Variants in CHODL observed in about 807,000 individuals in gnomAD.
CHODL encodes the protein transmembrane protein MT75.
A neutral mutation model predicts 34.5 loss-of-function variants in CHODL; 29 were observed. That is an observed-to-expected ratio of 0.84 (90% CI 0.63 to 1.15). The LOEUF (loss-of-function observed/expected upper bound fraction) is 1.15, where lower values mean the gene tolerates loss of function less well. CHODL is among the 50% of genes most tolerant of loss of function. The pLI, the probability that CHODL is intolerant of heterozygous loss-of-function variation, is 0.00. For synonymous variants in CHODL, 125 were observed against 116.1 expected (o/e 1.08, Z -0.49); for missense variants, 332 against 332.5 (o/e 1.00, Z 0.01).
intron 2 of CHODL, among the ~76,000 whole-genome samples, chr21:18,234,227 T>C (rs1222953448): frequency 1.3e-5 from 2 of 152,078 alleles, no homozygotes; most frequent in African/African-American, 2.4e-5. Flanking sequence ...TGAGCGGAAG[T>C]GATGTTTGCC....
intron 1 of CHODL, among the ~76,000 whole-genome samples, chr21:17,936,928 G>C (rs60503746): frequency 3.9e-5 from 6 of 152,056 alleles, no homozygotes; most frequent in Non-Finnish European, 8.8e-5. Context: ...ACAAAAATTA[G>C]CTGGGCGTGG....
intron 1 of CHODL, among the ~76,000 whole-genome samples, chr21:18,027,033 T>C (rs910056654): frequency 6.6e-6 from 1 of 152,078 alleles, no homozygotes; most frequent in Non-Finnish European, 1.5e-5. Context: ...TCCTAGTGCT[T>C]TGGGAGGCAG....
At chr21:18,136,755 TATACACATAC>T (rs1439759388) in intron 2 of CHODL, among the ~76,000 whole-genome samples, 7 of 136,470 alleles carry the variant, frequency 5.1e-5, no homozygotes, top group African/African-American at 1.9e-4. Context: ...TATATATATG[TATACACATAC>T]ATACACACAC....
At chr21:17,995,612 G>A (rs1568835847) in intron 1 of CHODL, among the ~76,000 whole-genome samples, 1 of 152,120 alleles carries the variant, frequency 6.6e-6, no homozygotes, top group African/African-American at 2.4e-5. Context: ...TCTTGAAGCT[G>A]GTCTCCATAT....
chr21:18,076,023 C>T (rs2064861667), intron 2 of CHODL, among the ~76,000 whole-genome samples: 1 of 152,138 alleles, frequency 6.6e-6, no homozygotes, highest in Non-Finnish European at 1.5e-5. Context: ...TTCTCAGCTT[C>T]CAGAACTGAG....
At chr21:18,223,681 A>C (rs1601167827) in intron 2 of CHODL, among the ~76,000 whole-genome samples, 1 of 152,124 alleles carries the variant, frequency 6.6e-6, no homozygotes, top group Admixed American at 6.5e-5. Flanking sequence ...GTGACCTCAA[A>C]CCCACCAGCA....
chr21:18,233,588 G>C (rs748845726), intron 2 of CHODL, among the ~76,000 whole-genome samples: 1 of 152,018 alleles, frequency 6.6e-6, no homozygotes, highest in Non-Finnish European at 1.5e-5. Context: ...CAGAGTTTTC[G>C]ATAACATTAT....
chr21:18,057,388 A>G (rs2064596276), intron 2 of CHODL, among the ~76,000 whole-genome samples: 1 of 152,018 alleles, frequency 6.6e-6, no homozygotes, highest in African/African-American at 2.4e-5. Context: ...TTGAGCAAAA[A>G]TGTACATACA....
intron 2 of CHODL, among the ~76,000 whole-genome samples, chr21:18,064,076 C>CA (rs2064701964): frequency 6.6e-6 from 1 of 152,164 alleles, no homozygotes; most frequent in Admixed American, 6.6e-5. Flanking sequence ...TTCGCCTCCT[C>CA]ACTTGGGTCA....
intron 1 of CHODL, among the ~76,000 whole-genome samples, chr21:17,928,648 A>T (rs1437318654): frequency 2.0e-5 from 3 of 152,226 alleles, no homozygotes. Flanking sequence ...TGAATTCTAT[A>T]ACATTATTGA....
At chr21:18,048,152 A>G (rs1360045881) in intron 2 of CHODL, among the ~76,000 whole-genome samples, 5 of 151,946 alleles carry the variant, frequency 3.3e-5, no homozygotes, top group Non-Finnish European at 7.4e-5. Flanking sequence ...GAAAGAGGCC[A>G]AACTAAAAAT....
At chr21:17,930,582 T>C (rs907326628) in intron 1 of CHODL, among the ~76,000 whole-genome samples, 5 of 152,200 alleles carry the variant, frequency 3.3e-5, no homozygotes, top group African/African-American at 1.2e-4. Flanking sequence ...AGCCAATACC[T>C]GAACTGTGGG....
intron 2 of CHODL, among the ~76,000 whole-genome samples, chr21:18,110,737 G>A (rs2065338102): frequency 6.6e-6 from 1 of 152,170 alleles, no homozygotes; most frequent in African/African-American, 2.4e-5. Context: ...TTCCCACTTT[G>A]TAAGTATAAA....
At chr21:18,014,242 G>A (rs986298044) in intron 1 of CHODL, among the ~76,000 whole-genome samples, 10 of 152,088 alleles carry the variant, frequency 6.6e-5, no homozygotes, top group Non-Finnish European at 2.9e-5. Flanking sequence ...GCCCATCAAT[G>A]GTGGAATGGA....
intron 2 of CHODL, among the ~76,000 whole-genome samples, chr21:18,156,812 C>A (rs1273847729): frequency 1.3e-5 from 2 of 152,286 alleles, no homozygotes; most frequent in African/African-American, 4.8e-5. Context: ...CTCTTCTCTG[C>A]TCTACATGTC....
At chr21:18,008,657 A>G (rs1426589272) in intron 1 of CHODL, among the ~76,000 whole-genome samples, 1 of 152,196 alleles carries the variant, frequency 6.6e-6, no homozygotes, top group African/African-American at 2.4e-5. Flanking sequence ...AGGTTTATCC[A>G]TATCTTTGCA....
chr21:18,038,172 G>T (rs1463409073), intron 2 of CHODL, among the ~76,000 whole-genome samples: 2 of 151,538 alleles, frequency 1.3e-5, no homozygotes, highest in Non-Finnish European at 3.0e-5. Context: ...ATGTCATAAT[G>T]AAATGACATT....
At position 18,068,394 on chromosome 21, in the gene CHODL, A is replaced by C. The variant is rs184950142; in HGVS notation, c.-45+40423A>C. 3.2e-3 allele frequency among the ~76,000 whole-genome samples: 490 copies of C among 152,086 alleles called. 7 individuals are homozygous for C. The Middle Eastern group carries it at 0.075, about 23-fold the overall frequency. On this transcript the variant is annotated intron_variant, in intron 2 of 6. Transcript: ENST00000400127. ...GTATTTTTAGTAGGAACAGGGTTTCACCCTGTTGGCCAGGCAGGTCTCAAA... is the reference window on the plus strand; with the variant it reads ...GTATTTTTAGTAGGAACAGGGTTTCCCCCTGTTGGCCAGGCAGGTCTCAAA...
chr21:18,194,677 CAT>C (rs1461659742), intron 2 of CHODL, among the ~76,000 whole-genome samples: 1 of 151,254 alleles, frequency 6.6e-6, no homozygotes, highest in Non-Finnish European at 1.5e-5. Flanking sequence ...TATAAGGTGA[CAT>C]TTTCACATAG....
Sources: allele counts gnomAD v4.1 joint callset (sites outside exome capture counted in the v4.1 genomes callset), GRCh38; gene constraint gnomAD v4.1.1; transcripts MANE v1.5; gene names NCBI Gene and HGNC (gene_info 2026-07-23, HGNC 2026-07-21).